Variants in TRIM71 observed in about 807,000 individuals in gnomAD.
TRIM71 encodes tripartite motif containing 71, also known as E3 ubiquitin-protein ligase TRIM71.
Under a neutral mutation model 61.2 loss-of-function variants are expected in TRIM71, and 9 were observed. The observed-to-expected ratio is 0.15, with a 90% CI of 0.09 to 0.26. TRIM71 has a LOEUF of 0.26. Ranked by LOEUF, TRIM71 falls within the 10% of genes least tolerant of loss-of-function variation. The probability of loss-of-function intolerance (pLI) is 1.00; values close to 1 mark genes in which losing one functional copy is unlikely to be tolerated. For synonymous variants in TRIM71, 645 were observed against 553.2 expected, an observed-to-expected ratio of 1.17 and a Z score of -2.33; for missense variants, 998 against 1,238.7, an observed-to-expected ratio of 0.81 and a Z score of 2.92.
chr3:32,866,364 G>A (rs1696736854), intron 1 of TRIM71, among the ~76,000 whole-genome samples: 1 of 152,014 alleles, frequency 6.6e-6, no homozygotes, highest in African/African-American at 2.4e-5. Context: ...TTCTGCCTCA[G>A]CCTCCCGAGT....
intron 1 of TRIM71, among the ~76,000 whole-genome samples, chr3:32,854,275 T>A (rs552834639): frequency 1.3e-5 from 2 of 152,378 alleles, no homozygotes; most frequent in African/African-American, 4.8e-5. Flanking sequence ...ATTACACACG[T>A]AAGCCACTGC....
intron 1 of TRIM71, among the ~76,000 whole-genome samples, chr3:32,820,346 A>T (rs749466776): frequency 1.3e-5 from 2 of 152,142 alleles, no homozygotes; most frequent in Non-Finnish European, 2.9e-5. Flanking sequence ...ATTCTAATCT[A>T]CTTGTTGTAG....
intron 1 of TRIM71, among the ~76,000 whole-genome samples, chr3:32,834,055 G>A (rs1180664327): frequency 2.6e-5 from 4 of 152,182 alleles, no homozygotes; most frequent in African/African-American, 7.2e-5. Flanking sequence ...AAACCACATA[G>A]GTGCTGGAAA....
chr3:32,845,308 CA>C lies in TRIM71; in HGVS notation c.852+26379del, dbSNP rs1174195054. Among the ~76,000 whole-genome samples, 10 of 152,164 alleles carry C rather than the reference CA, an allele frequency of 6.6e-5. No homozygotes were observed. In the East Asian group the frequency reaches 1.9e-3, roughly 29 times the overall value. ...GTGAAAATGTGGGAGACACATGGCT[CA>C]AACCCACAGAAAGCTTGCAAAGATG... On this transcript the variant is annotated intron_variant, in intron 1 of 3. Transcript: ENST00000383763.
In TRIM71 at chr3:32,860,265, TCTC is replaced by T. The variant is rs1696652595; in HGVS notation, c.853-13550_853-13548del. On this transcript the variant is annotated intron_variant, in intron 1 of 3. Coordinates refer to ENST00000383763, the MANE Select transcript of TRIM71 (RefSeq NM_001039111.3). The stretch of plus-strand genomic sequence containing the variant: ...CCTCCACTTCCCGGGTTCAAGCAAT[TCTC>T]CTGCCTCAGCCTCCCAAGTAGTTGG... 5.3e-5 allele frequency among the ~76,000 whole-genome samples: 8 copies of T among 151,660 alleles called. No homozygotes were observed. In the South Asian group the frequency reaches 1.7e-3, roughly 32 times the overall value.
At position 32,891,232 on chromosome 3, in the gene TRIM71, C is replaced by T. The variant is rs763938227; in HGVS notation, c.2028C>T (p.Arg676=). ...TGGTGGCTGACAAGGACAATCATCG[C>T]ATCCAGATCTTCACGTTCGAGGGCC... The part of the protein sequence containing the change: ...RIVVADKDNH[R]IQIFTFEGQF... Residue 676 remains arginine (R), a synonymous_variant, in exon 4 of 4, where the codon CGC becomes CGT. Coordinates refer to ENST00000383763, the MANE Select transcript of TRIM71 (RefSeq NM_001039111.3). The surrounding 1 kb of genome is among the most constrained non-coding windows in gnomAD (Gnocchi z 8.2). 2.7e-5 allele frequency: 44 copies of T among 1,613,152 alleles called. No individual in the cohort carries two copies. The South Asian group carries it at 4.6e-4, about 17-fold the overall frequency.
At chr3:32,874,764 T>TA in intron 2 of TRIM71, among the ~76,000 whole-genome samples, 1 of 151,932 alleles carries the variant, frequency 6.6e-6, no homozygotes, top group Non-Finnish European at 1.5e-5. Context: ...GCTCAGGTGA[T>TA]ACACCTGCCT....
rs781713594 is a variant in TRIM71 at position 32,892,126 on chromosome 3, G to C, written c.*315G>C. 2.8e-5 allele frequency: 8 copies of C among 281,440 alleles called. No individual in the cohort carries two copies. Among genetic ancestry groups the C allele is most frequent in the Non-Finnish European group, 5.3e-5 (8 of 151,040 alleles). The allele number at this position is 281,440 out of a possible 1,614,324, so 17.4% of individuals were successfully genotyped here. On this transcript the variant is annotated 3_prime_UTR_variant, in exon 4 of 4. Coordinates refer to ENST00000383763, the MANE Select transcript of TRIM71 (RefSeq NM_001039111.3). ...CCTCTTCCCCTCCTCAGTGGAGTTTGCATTTCCCTCTTCCCCTGCGTGGGG... is the reference window on the plus strand; with the variant it reads ...CCTCTTCCCCTCCTCAGTGGAGTTTCCATTTCCCTCTTCCCCTGCGTGGGG...
At chr3:32,843,713 G>T (rs937392836) in intron 1 of TRIM71, among the ~76,000 whole-genome samples, 2 of 152,212 alleles carry the variant, frequency 1.3e-5, no homozygotes, top group African/African-American at 4.8e-5. Flanking sequence ...TTCTGTTCCA[G>T]CCCAGCCAAG....
chr3:32,831,718 G>A (rs1380263717), intron 1 of TRIM71, among the ~76,000 whole-genome samples: 3 of 151,936 alleles, frequency 2.0e-5, no homozygotes, highest in African/African-American at 7.3e-5. Flanking sequence ...TGTATTTTTA[G>A]TAGAGATGGG....
chr3:32,874,361 TACTACTACA>T (rs1157818701), intron 2 of TRIM71, among the ~76,000 whole-genome samples: 3 of 103,450 alleles, frequency 2.9e-5, no homozygotes, highest in East Asian at 2.7e-4. Context: ...CTACTACTAC[TACTACTACA>T]ACATATTTTT....
Position 32,829,032 on chromosome 3 carries a change from C to T in TRIM71, c.852+10100C>T, listed in dbSNP as rs567240608. Among the ~76,000 whole-genome samples the T allele has an allele frequency of 6.0e-5, 9 of 151,148 alleles. No individual in the cohort carries two copies. In the South Asian group the frequency reaches 1.3e-3, roughly 21 times the overall value. On this transcript the variant is annotated intron_variant, in intron 1 of 3. Coordinates refer to ENST00000383763, the MANE Select transcript of TRIM71 (RefSeq NM_001039111.3). ...TTTTTGACACGGACTTTCCCTCTGTCGCCCAGGCTGGAGTGCAGTGATGTG... is the reference window on the plus strand; with the variant it reads ...TTTTTGACACGGACTTTCCCTCTGTTGCCCAGGCTGGAGTGCAGTGATGTG...
At chr3:32,822,945 A>T (rs1263217899) in intron 1 of TRIM71, among the ~76,000 whole-genome samples, 4 of 152,194 alleles carry the variant, frequency 2.6e-5, no homozygotes, top group Admixed American at 6.5e-5. Flanking sequence ...TTTTAAAAAA[A>T]ATTTTTTTAA....
At chr3:32,876,577 C>T (rs1320342797) in intron 2 of TRIM71, among the ~76,000 whole-genome samples, 2 of 152,042 alleles carry the variant, frequency 1.3e-5, no homozygotes, top group African/African-American at 2.4e-5. Context: ...GAATGAGACT[C>T]CATCTCAAAC....
Position 32,818,692 on chromosome 3 carries a change from G to A in TRIM71, c.612G>A (p.Glu204=), listed in dbSNP as rs749521280. The change falls in exon 1 of 4, where the codon GAG becomes GAA. Residue 204 remains glutamate, a synonymous_variant. Transcript: ENST00000383763. Reference sequence around the variant, plus strand: ...CTCACGGCTGCAGCTCGTGCGATGAGGGCAACGCAGCTTCTTCGCGCTGCC... The same window carrying A: ...CTCACGGCTGCAGCTCGTGCGATGAAGGCAACGCAGCTTCTTCGCGCTGCC... ...RRPHGCSSCD[E]GNAASSRCLD... is the part of the protein sequence containing the mutation. The A allele has an allele frequency of 1.9e-6, 3 of 1,574,934 alleles. No individual in the cohort carries two copies. The highest frequency in any genetic ancestry group is 2.7e-5 in the African/African-American group (2 of 74,252).
intron 2 of TRIM71, among the ~76,000 whole-genome samples, chr3:32,885,648 A>G (rs1352714229): frequency 6.6e-6 from 1 of 152,202 alleles, no homozygotes; most frequent in African/African-American, 2.4e-5. Context: ...ACCCAGCTAC[A>G]CTGGTTTTGC....
In TRIM71 at chr3:32,873,922, G is replaced by A. The variant is rs770238397; in HGVS notation, c.957G>A (p.Gln319=). ...TCATCTACCTCCAGGAGGCACTGCA[G>A]GACTCACGGGCACTCACCATCCAGC... ...HSFIYLQEAL[Q]DSRALTIQLL... Residue 319 remains glutamine, a synonymous_variant, in exon 2 of 4, where the codon CAG becomes CAA. Transcript: ENST00000383763. The A allele has an allele frequency of 2.2e-5, 35 of 1,613,838 alleles. 1 individual carries two copies. The Admixed American group carries it at 5.8e-4, about 27-fold the overall frequency.
chr3:32,844,774 C>G (rs1483885039), intron 1 of TRIM71, among the ~76,000 whole-genome samples: 1 of 152,256 alleles, frequency 6.6e-6, no homozygotes, highest in Middle Eastern at 3.4e-3. Context: ...CAAGCCATAA[C>G]AATTCCTAGA....
chr3:32,823,045 A>G lies in TRIM71; in HGVS notation c.852+4113A>G, dbSNP rs190060106. On this transcript the variant is annotated intron_variant, in intron 1 of 3. Transcript: ENST00000383763. ...ACCTGCTCTACACTACTGGGTGAATATGTCCTCTGAGTGCAGACATCTCAC... is the reference window on the plus strand; with the variant it reads ...ACCTGCTCTACACTACTGGGTGAATGTGTCCTCTGAGTGCAGACATCTCAC... Among the ~76,000 whole-genome samples the G allele has an allele frequency of 1.9e-4, 29 of 152,334 alleles. 1 individual carries two copies. The highest frequency in any genetic ancestry group is 1.2e-3 in the Admixed American group (18 of 15,300).
Sources: allele counts gnomAD v4.1 joint callset (sites outside exome capture counted in the v4.1 genomes callset), GRCh38; gene constraint gnomAD v4.1.1; non-coding constraint Gnocchi (gnomAD v3.1); transcripts MANE v1.5; gene names NCBI Gene and HGNC (gene_info 2026-07-23, HGNC 2026-07-21).